CNTNAP2: variants seen among roughly 807,000 people sequenced by gnomAD.
CNTNAP2 encodes contactin-associated protein-like 2.
A neutral mutation model predicts 155.2 loss-of-function variants in CNTNAP2; 98 were observed. That is an observed-to-expected ratio of 0.63 (90% CI 0.54 to 0.75). The LOEUF is 0.75. Ranked by LOEUF, CNTNAP2 falls within the 30% of genes least tolerant of loss-of-function variation. The pLI, the probability that CNTNAP2 is intolerant of heterozygous loss-of-function variation, is 0.00. For missense variants in CNTNAP2, 1,727 were observed against 1,688.1 expected, an observed-to-expected ratio of 1.02 and a Z score of -0.40; for synonymous variants, 651 against 631.2, an observed-to-expected ratio of 1.03 and a Z score of -0.47.
At chr7:148,266,037 T>C (rs927485220) in intron 20 of CNTNAP2, among the ~76,000 whole-genome samples, 1 of 152,220 alleles carries the variant, frequency 6.6e-6, no homozygotes, top group African/African-American at 2.4e-5. Flanking sequence ...TCGTATCTGC[T>C]TCTGAGTCTG....
chr7:147,450,515 C>T (rs2116567572), intron 10 of CNTNAP2, among the ~76,000 whole-genome samples: 1 of 152,294 alleles, frequency 6.6e-6, no homozygotes, highest in Non-Finnish European at 1.5e-5. Context: ...CCTATAGAAA[C>T]TGTGACATAA....
chr7:146,371,757 C>G (rs1017881954), intron 1 of CNTNAP2, among the ~76,000 whole-genome samples: 1 of 151,654 alleles, frequency 6.6e-6, no homozygotes, highest in Non-Finnish European at 1.5e-5. Flanking sequence ...GAGTTTGAGA[C>G]CAGCCTGGCC....
At chr7:147,086,587 C>A (rs1263114754) in intron 4 of CNTNAP2, among the ~76,000 whole-genome samples, 1 of 152,006 alleles carries the variant, frequency 6.6e-6, no homozygotes, top group Non-Finnish European at 1.5e-5. Context: ...GCATGCACCA[C>A]CATATGTAGC....
At chr7:147,273,596 T>G (rs1015230860) in intron 8 of CNTNAP2, among the ~76,000 whole-genome samples, 16 of 151,958 alleles carry the variant, frequency 1.1e-4, no homozygotes, top group Admixed American at 4.6e-4. Flanking sequence ...CACTTATAAG[T>G]AAGAACATGA....
chr7:147,573,499 T>G (rs910567832), intron 12 of CNTNAP2, among the ~76,000 whole-genome samples: 3 of 152,212 alleles, frequency 2.0e-5, no homozygotes, highest in Non-Finnish European at 4.4e-5. Context: ...GCTCACTTGG[T>G]GTAGCTCTAG....
At chr7:147,687,639 G>T (rs1178093508) in intron 13 of CNTNAP2, among the ~76,000 whole-genome samples, 1 of 152,078 alleles carries the variant, frequency 6.6e-6, no homozygotes, top group South Asian at 2.1e-4. Context: ...TGGGTAGGAG[G>T]AGTAATTTAA....
At chr7:148,369,108 C>T (rs1195410838) in intron 21 of CNTNAP2, among the ~76,000 whole-genome samples, 1 of 149,628 alleles carries the variant, frequency 6.7e-6, no homozygotes, top group Non-Finnish European at 1.5e-5. Flanking sequence ...ACATCTAATA[C>T]ATGGTAATAA....
intron 8 of CNTNAP2, among the ~76,000 whole-genome samples, chr7:147,200,076 C>T (rs1802892233): frequency 6.6e-6 from 1 of 151,704 alleles, no homozygotes; most frequent in African/African-American, 2.4e-5. Flanking sequence ...TCCCCCTCCT[C>T]CTTTCTCACC....
intron 14 of CNTNAP2, among the ~76,000 whole-genome samples, chr7:147,929,112 A>C (rs946256436): frequency 2.0e-5 from 3 of 150,652 alleles, no homozygotes; most frequent in Non-Finnish European, 4.4e-5. Flanking sequence ...AAAAAAAAAA[A>C]AAAAAAACCT....
chr7:147,084,960 A>G (rs960228288), intron 4 of CNTNAP2, among the ~76,000 whole-genome samples: 1 of 151,772 alleles, frequency 6.6e-6, no homozygotes, highest in Non-Finnish European at 1.5e-5. Context: ...AAATATTTAT[A>G]ATGAAATCCT....
At chr7:146,439,612 ACTT>A (rs1271798441) in intron 1 of CNTNAP2, among the ~76,000 whole-genome samples, 4 of 151,674 alleles carry the variant, frequency 2.6e-5, no homozygotes, top group Admixed American at 1.3e-4. Flanking sequence ...ATCTGCATCT[ACTT>A]CTTCATATTT....
At chr7:146,118,426 C>T (rs1173384739) in intron 1 of CNTNAP2, among the ~76,000 whole-genome samples, 3 of 152,038 alleles carry the variant, frequency 2.0e-5, no homozygotes, top group African/African-American at 7.2e-5. Context: ...GATATTTACA[C>T]AAATATGTAA....
chr7:146,416,427 T>C (rs977212318), intron 1 of CNTNAP2, among the ~76,000 whole-genome samples: 1 of 152,052 alleles, frequency 6.6e-6, no homozygotes, highest in Non-Finnish European at 1.5e-5. Context: ...GGTCACCACA[T>C]TGATGCCAAA....
chr7:147,850,518 A>G (rs890491193), intron 13 of CNTNAP2, among the ~76,000 whole-genome samples: 2 of 152,208 alleles, frequency 1.3e-5, no homozygotes, highest in East Asian at 1.9e-4. Context: ...TTCAAACCAT[A>G]CTACACTACA....
At chr7:146,835,133 T>G (rs1803591650) in intron 2 of CNTNAP2, among the ~76,000 whole-genome samples, 1 of 152,234 alleles carries the variant, frequency 6.6e-6, no homozygotes, top group Admixed American at 6.5e-5. Context: ...CAATAAATTC[T>G]ATTTTGCTAA....
intron 2 of CNTNAP2, among the ~76,000 whole-genome samples, chr7:146,826,857 T>TATATAGAGAG (rs773069615): frequency 6.5e-5 from 9 of 138,976 alleles, no homozygotes; most frequent in African/African-American, 1.6e-4. Context: ...TATATATATA[T>TATATAGAGAG]AGAGAGAGAG....
At position 146,524,187 on chromosome 7, in the gene CNTNAP2, G is replaced by A. The variant is rs1006037499; in HGVS notation, c.98-250084G>A. On this transcript the variant is annotated intron_variant, in intron 1 of 23. Transcript: ENST00000361727. ...CGATGGCCCATATGAGGCCCATAAA[G>A]AAAATTCAGAGCTCTTAAAAAGTTG... 2.6e-5 allele frequency among the ~76,000 whole-genome samples: 4 copies of A among 152,174 alleles called. No homozygotes were observed. The East Asian group carries it at 7.7e-4, about 29-fold the overall frequency.
intron 21 of CNTNAP2, among the ~76,000 whole-genome samples, chr7:148,297,205 G>A (rs1797303379): frequency 6.6e-6 from 1 of 150,976 alleles, no homozygotes; most frequent in African/African-American, 2.4e-5. Context: ...AGGAAGGAAG[G>A]AAAAACACCT....
intron 17 of CNTNAP2, among the ~76,000 whole-genome samples, chr7:148,148,928 TC>T (rs1805246316): frequency 6.6e-6 from 1 of 152,198 alleles, no homozygotes; most frequent in African/African-American, 2.4e-5. Flanking sequence ...TCCAAATCCT[TC>T]CCTCAAGTTA....
Sources: allele counts gnomAD v4.1 joint callset (sites outside exome capture counted in the v4.1 genomes callset), GRCh38; gene constraint gnomAD v4.1.1; transcripts MANE v1.5; gene names NCBI Gene and HGNC (gene_info 2026-07-23, HGNC 2026-07-21).